SCHIP1: variants seen among roughly 807,000 people sequenced by gnomAD.
SCHIP1 encodes schwannomin-interacting protein 1.
In SCHIP1, 8 loss-of-function variants were observed where a neutral mutation model predicts 29.7. The observed-to-expected ratio is 0.27, with a 90% CI of 0.16 to 0.49. The LOEUF (loss-of-function observed/expected upper bound fraction) is 0.49, where lower values mean the gene tolerates loss of function less well. Ranked by LOEUF, SCHIP1 falls within the 20% of genes least tolerant of loss-of-function variation. The pLI, the probability that SCHIP1 is intolerant of heterozygous loss-of-function variation, is 0.99. For missense variants in SCHIP1, 193 were observed against 294.6 expected (o/e 0.66, Z 2.52); for synonymous variants, 76 against 94.9 (o/e 0.80, Z 1.16).
the SCHIP1 span, among the ~76,000 whole-genome samples, chr3:159,470,228 AATG>A: frequency 2.6e-5 from 4 of 152,156 alleles, no homozygotes; most frequent in Non-Finnish European, 5.9e-5. Flanking sequence ...ACAAAACAAA[AATG>A]ATATGGTCAT....
At chr3:159,646,253 G>A in the SCHIP1 span, among the ~76,000 whole-genome samples, 1 of 152,250 alleles carries the variant, frequency 6.6e-6, no homozygotes, top group East Asian at 1.9e-4. Flanking sequence ...CCTTCACAAG[G>A]TACGATTAGC....
the SCHIP1 span, among the ~76,000 whole-genome samples, chr3:159,823,183 G>C: frequency 6.6e-6 from 1 of 152,188 alleles, no homozygotes; most frequent in Non-Finnish European, 1.5e-5. Flanking sequence ...GGTGAAGCTT[G>C]ATGGGGTCTC....
At chr3:159,497,099 C>G in the SCHIP1 span, among the ~76,000 whole-genome samples, 1 of 151,962 alleles carries the variant, frequency 6.6e-6, no homozygotes, top group Non-Finnish European at 1.5e-5. Flanking sequence ...ACACTGGGGA[C>G]TGTTGTGGGG....
At chr3:159,741,079 A>T in the SCHIP1 span, among the ~76,000 whole-genome samples, 1 of 152,160 alleles carries the variant, frequency 6.6e-6, no homozygotes, top group African/African-American at 2.4e-5. Flanking sequence ...AAGCTCCCTG[A>T]AGAGAGGTAT....
the SCHIP1 span, among the ~76,000 whole-genome samples, chr3:159,767,618 G>C: frequency 6.6e-6 from 1 of 152,182 alleles, no homozygotes; most frequent in African/African-American, 2.4e-5. Context: ...ATGAAAAGGG[G>C]ATAGCTTCTC....
At chr3:159,764,428 A>G in the SCHIP1 span, 1 of 1,569,784 alleles carries the variant, frequency 6.4e-7, no homozygotes, top group Non-Finnish European at 8.6e-7. The surrounding 1 kb of genome is among the most constrained non-coding windows in gnomAD (Gnocchi z 6.1). Flanking sequence ...CTCACTCTCT[A>G]CCTCCTCCCC....
At chr3:159,368,025 A>G in the SCHIP1 span, among the ~76,000 whole-genome samples, 12 of 152,126 alleles carry the variant, frequency 7.9e-5, no homozygotes, top group Admixed American at 2.0e-4. Context: ...ACTATTGTCT[A>G]ACTCCTGATC....
the SCHIP1 span, among the ~76,000 whole-genome samples, chr3:159,540,003 G>T: frequency 6.6e-6 from 1 of 152,004 alleles, no homozygotes; most frequent in African/African-American, 2.4e-5. Flanking sequence ...AAGTTCAAAA[G>T]TCTAATTTTT....
At chr3:159,665,937 C>T in the SCHIP1 span, among the ~76,000 whole-genome samples, 5 of 152,142 alleles carry the variant, frequency 3.3e-5, no homozygotes, top group Non-Finnish European at 5.9e-5. Context: ...GGGCTTCTTG[C>T]CTTCCTCCTC....
At chr3:159,634,160 G>A in the SCHIP1 span, among the ~76,000 whole-genome samples, 4 of 152,234 alleles carry the variant, frequency 2.6e-5, no homozygotes, top group South Asian at 6.2e-4. Flanking sequence ...TGTTTAAAAT[G>A]TGTTACATAA....
At chr3:159,413,799 T>A in the SCHIP1 span, among the ~76,000 whole-genome samples, 1 of 152,198 alleles carries the variant, frequency 6.6e-6, no homozygotes, top group Non-Finnish European at 1.5e-5. Context: ...GGACAATGCC[T>A]TTCTTTATTC....
the SCHIP1 span, chr3:159,764,326 G>A: frequency 1.6e-6 from 2 of 1,259,584 alleles, no homozygotes; most frequent in Non-Finnish European, 2.1e-6. The surrounding 1 kb of genome is among the most constrained non-coding windows in gnomAD (Gnocchi z 6.1). Context: ...CTTGGGGGAC[G>A]CACCTCTGAC....
chr3:159,800,395 T>G, the SCHIP1 span, among the ~76,000 whole-genome samples: 7 of 152,046 alleles, frequency 4.6e-5, no homozygotes, highest in African/African-American at 1.7e-4. Context: ...GGCTGCCCCC[T>G]CCCTCACTAA....
At chr3:159,287,042 T>G in the SCHIP1 span, among the ~76,000 whole-genome samples, 1 of 152,178 alleles carries the variant, frequency 6.6e-6, no homozygotes, top group South Asian at 2.1e-4. Flanking sequence ...GGTGATAGTT[T>G]CTTTTACTGT....
chr3:159,854,656 C>G (rs1248042584), intron 1 of SCHIP1, among the ~76,000 whole-genome samples: 1 of 152,192 alleles, frequency 6.6e-6, no homozygotes, highest in Non-Finnish European at 1.5e-5. Context: ...GGACACTCTG[C>G]CGTAAGAGTC....
chr3:159,675,050 G>A, the SCHIP1 span, among the ~76,000 whole-genome samples: 3 of 152,228 alleles, frequency 2.0e-5, no homozygotes, highest in African/African-American at 7.2e-5. Context: ...TCGGTTTTCT[G>A]TGCTTCAGAG....
At chr3:159,544,278 C>G in the SCHIP1 span, among the ~76,000 whole-genome samples, 1 of 151,928 alleles carries the variant, frequency 6.6e-6, no homozygotes, top group Non-Finnish European at 1.5e-5. Context: ...TGTTAAATTT[C>G]ATTGAATGAG....
the SCHIP1 span, among the ~76,000 whole-genome samples, chr3:159,493,769 A>G: frequency 4.4e-3 from 666 of 152,254 alleles, 4 homozygotes; most frequent in Middle Eastern, 0.027. Flanking sequence ...ACATCCACAG[A>G]ACTCTCCACC....
the SCHIP1 span, among the ~76,000 whole-genome samples, chr3:159,689,838 T>G: frequency 2.0e-5 from 3 of 152,384 alleles, no homozygotes; most frequent in Non-Finnish European, 4.4e-5. Context: ...AGGCCTTTTC[T>G]GCATCTATTG....
Sources: gnomAD v4.1 joint callset for allele counts (sites outside exome capture counted in the v4.1 genomes callset) on GRCh38, gnomAD v4.1.1 for gene constraint, Gnocchi (gnomAD v3.1) non-coding constraint, MANE v1.5 for transcripts, NCBI Gene and HGNC (gene_info 2026-07-23, HGNC 2026-07-21) for gene names.